The following ADAM9 variants were observed in gnomAD, a reference collection of about 807,000 sequenced individuals.
ADAM9 encodes the protein ADAM metallopeptidase domain 9.
A neutral mutation model predicts 108.1 loss-of-function variants in ADAM9; 54 were observed. The observed-to-expected ratio is 0.50, with a 90% CI of 0.40 to 0.63. The LOEUF (loss-of-function observed/expected upper bound fraction) is 0.63. ADAM9 is among the 20% of genes least tolerant of loss of function. ADAM9 has a pLI of 0.00. For missense variants in ADAM9, 830 were observed against 997.7 expected (o/e 0.83, Z 2.26); for synonymous variants, 316 against 336.0 (o/e 0.94, Z 0.65).
At chr8:39,074,390 A>G (rs1236786661) in intron 15 of ADAM9, among the ~76,000 whole-genome samples, 2 of 152,202 alleles carry the variant, frequency 1.3e-5, no homozygotes, top group South Asian at 2.1e-4. Flanking sequence ...AGGAGTAGAA[A>G]GAATAGTGTG....
intron 18 of ADAM9, among the ~76,000 whole-genome samples, chr8:39,085,882 A>T (rs1338425199): frequency 6.6e-6 from 1 of 150,816 alleles, no homozygotes; most frequent in East Asian, 2.0e-4. Flanking sequence ...TTCTTCGAAT[A>T]TTTTTTTCTG....
At chr8:39,024,722 C>T (rs990927946) in intron 9 of ADAM9, among the ~76,000 whole-genome samples, 2 of 152,162 alleles carry the variant, frequency 1.3e-5, no homozygotes, top group African/African-American at 4.8e-5. Context: ...GCAAAAATTC[C>T]TGCTCTCATG....
Position 39,104,290 on chromosome 8 carries a change from G to C in ADAM9, c.*590G>C, listed in dbSNP as rs1400338078. 1 of 452,534 alleles carries C rather than the reference G, an allele frequency of 2.2e-6. No homozygotes were observed. The highest frequency in any genetic ancestry group is 6.9e-5 in the East Asian group (1 of 14,390). The allele number at this position is 452,534 out of a possible 1,614,324, so 28.0% of individuals were successfully genotyped here. Reference sequence around the variant, plus strand: ...CACAATTAAGATGTCATATTATTTTGAAAGTACAAAATATACTAAAAGAGT... The same window carrying C: ...CACAATTAAGATGTCATATTATTTTCAAAGTACAAAATATACTAAAAGAGT... On this transcript the variant is annotated 3_prime_UTR_variant, in exon 22 of 22. Transcript: ENST00000487273.
intron 12 of ADAM9, among the ~76,000 whole-genome samples, chr8:39,054,000 CCA>C (rs1298455080): frequency 1.3e-5 from 2 of 152,096 alleles, no homozygotes; most frequent in African/African-American, 4.8e-5. Context: ...GGGCCCTGAT[CCA>C]CTAGGATCAG....
At chr8:39,099,975 G>A (rs372886863) in intron 20 of ADAM9, among the ~76,000 whole-genome samples, 86 of 147,872 alleles carry the variant, frequency 5.8e-4, no homozygotes, top group African/African-American at 2.0e-3. Flanking sequence ...TGCCTCTCGG[G>A]TTCAAGCAAT....
chr8:39,024,307 T>A (rs1277850499), intron 9 of ADAM9, among the ~76,000 whole-genome samples: 1 of 152,162 alleles, frequency 6.6e-6, no homozygotes, highest in Non-Finnish European at 1.5e-5. Flanking sequence ...GAGAATGCCA[T>A]CTAGTTCACA....
intron 16 of ADAM9, 33 bp downstream of exon 16, chr8:39,077,444 ATG>A: frequency 6.4e-7 from 1 of 1,559,796 alleles, no homozygotes; most frequent in Non-Finnish European, 8.7e-7. Context: ...ACAAAGTAAA[ATG>A]AAAAAAATTA....
At chr8:39,071,434 GA>G in intron 15 of ADAM9, 31 bp downstream of exon 15, 1 of 1,111,392 alleles carries the variant, frequency 9.0e-7, no homozygotes, top group African/African-American at 1.6e-5. Context: ...AATGGAATAT[GA>G]AAGATTATAA....
chr8:39,059,850 T>C (rs1383141488), intron 14 of ADAM9, among the ~76,000 whole-genome samples: 1 of 152,210 alleles, frequency 6.6e-6, no homozygotes. Flanking sequence ...TGTCACCTGA[T>C]GGGTAGGAAG....
intron 3 of ADAM9, 95 bp downstream of exon 3, chr8:39,011,811 C>A: frequency 8.3e-7 from 1 of 1,210,888 alleles, no homozygotes; most frequent in Non-Finnish European, 1.2e-6. Context: ...GGATCCTGAA[C>A]CCTGGGATTA....
In ADAM9 at chr8:39,023,754, T is replaced by A. The variant is rs1440632795; in HGVS notation, c.914+429T>A. Among the ~76,000 whole-genome samples the A allele has an allele frequency of 7.8e-5, 11 of 140,540 alleles. No individual in the cohort carries two copies. The East Asian group carries it at 2.2e-3, about 28-fold the overall frequency. 92.2% of individuals were successfully genotyped at this position (140,540 alleles called of 152,430 possible). A position where few individuals can be genotyped will look rare whatever the true frequency, so the allele number is the denominator to read the frequency against. ...CTTTTGCGTTTGTTTTTTTTTTTTTTTTTTTTTTTGGAGACAGAGTCTCAC... is the reference window on the plus strand; with the variant it reads ...CTTTTGCGTTTGTTTTTTTTTTTTTATTTTTTTTTGGAGACAGAGTCTCAC... On this transcript the variant is annotated intron_variant, in intron 9 of 21. Coordinates refer to ENST00000487273, the MANE Select transcript of ADAM9 (RefSeq NM_003816.3).
chr8:39,068,672 CCTCAAAAAAAAAAAAAAAAAAAAAA>C (rs1466028403), intron 14 of ADAM9, among the ~76,000 whole-genome samples: 52 of 60,230 alleles, frequency 8.6e-4, no homozygotes, highest in African/African-American at 3.0e-3. Context: ...TGAAACTTCT[CCTCAAAAAAAAAAAAAAAAAAAAAA>C]AAAAAAAAAA....
At chr8:39,045,063 T>C (rs1175401684) in intron 12 of ADAM9, among the ~76,000 whole-genome samples, 1,347 of 29,712 alleles carry the variant, frequency 0.045, 113 homozygotes, top group East Asian at 0.19. Flanking sequence ...TGTGTGTGCA[T>C]ACATACATAT....
At chr8:39,005,379 A>T (rs1836129401) in intron 1 of ADAM9, among the ~76,000 whole-genome samples, 1 of 152,254 alleles carries the variant, frequency 6.6e-6, no homozygotes, top group Non-Finnish European at 1.5e-5. Context: ...CAGTAAGCTT[A>T]TCCTGCATTC....
chr8:39,009,726 G>A (rs987956833), intron 2 of ADAM9, among the ~76,000 whole-genome samples: 9 of 152,138 alleles, frequency 5.9e-5, no homozygotes, highest in African/African-American at 2.2e-4. Flanking sequence ...ACTGGATTTT[G>A]CTCATTCAAC....
intron 16 of ADAM9, among the ~76,000 whole-genome samples, chr8:39,082,420 C>A (rs1839052925): frequency 6.6e-6 from 1 of 151,910 alleles, no homozygotes; most frequent in African/African-American, 2.4e-5. Flanking sequence ...TGTTTTTGGT[C>A]TTTATGTCAT....
chr8:39,059,251 G>C (rs1016497881), intron 14 of ADAM9, among the ~76,000 whole-genome samples: 1 of 152,220 alleles, frequency 6.6e-6, no homozygotes, highest in African/African-American at 2.4e-5. Context: ...TCTATATCAA[G>C]AGTACGTGTG....
intron 14 of ADAM9, among the ~76,000 whole-genome samples, chr8:39,070,041 T>C (rs1042526057): frequency 1.4e-5 from 2 of 147,660 alleles, no homozygotes; most frequent in Admixed American, 1.4e-4. Flanking sequence ...CATTTCCATC[T>C]ACTTAGGAGG....
chr8:39,002,484 AATTTTTG>A (rs1836030176), intron 1 of ADAM9, among the ~76,000 whole-genome samples: 2 of 151,266 alleles, frequency 1.3e-5, no homozygotes, highest in African/African-American at 4.9e-5. Context: ...ACGCCCGGCT[AATTTTTG>A]TATTTTTTTT....
Sources: allele counts gnomAD v4.1 joint callset (sites outside exome capture counted in the v4.1 genomes callset), GRCh38; gene constraint gnomAD v4.1.1; transcripts MANE v1.5; gene names NCBI Gene and HGNC (gene_info 2026-07-23, HGNC 2026-07-21).